Variants in WHRN observed in about 807,000 individuals in gnomAD.
WHRN encodes whirlin.
In WHRN, 41 loss-of-function variants were observed where a neutral mutation model predicts 68.3. That is an observed-to-expected ratio of 0.60 (90% confidence interval 0.47 to 0.78). The LOEUF (loss-of-function observed/expected upper bound fraction) is 0.78, where lower values mean the gene tolerates loss of function less well. WHRN is among the 30% of genes least tolerant of loss of function. WHRN has a pLI of 0.00. For missense variants in WHRN, 1,243 were observed against 1,244.7 expected (o/e 1.00, Z 0.02); for synonymous variants, 560 against 561.3 (o/e 1.00, Z 0.03).
At chr9:114,472,149 C>A (rs1051743449) in intron 2 of WHRN, among the ~76,000 whole-genome samples, 1 of 152,234 alleles carries the variant, frequency 6.6e-6, no homozygotes, top group Non-Finnish European at 1.5e-5. Flanking sequence ...GATGAGGATG[C>A]GTGGGCTCCC....
At chr9:114,486,606 A>G (rs1842489497) in intron 1 of WHRN, among the ~76,000 whole-genome samples, 1 of 152,012 alleles carries the variant, frequency 6.6e-6, no homozygotes, top group Non-Finnish European at 1.5e-5. Flanking sequence ...GCTCTTTCAG[A>G]TCAGTAGTCA....
rs559985816 is a variant in WHRN, at chr9:114,452,849, G to A, written c.963+13418C>T. Among the ~76,000 whole-genome samples, 6 of 152,300 alleles carry A rather than the reference G, an allele frequency of 3.9e-5. No individual in the cohort carries two copies. In the South Asian group the frequency reaches 1.2e-3, roughly 32 times the overall value. On this transcript the variant is annotated intron_variant, in intron 3 of 11. Coordinates refer to ENST00000362057, the MANE Select transcript of WHRN (RefSeq NM_015404.4). ...CATTTCACACATGGGGATGCTGAGG[G>A]CCAGAAGGAAGGAAAGGACTGGCTG...
chr9:114,426,539 G>A, intron 3 of WHRN, 126 bp from the exon 4 acceptor site: 3 of 1,082,128 alleles, frequency 2.8e-6, no homozygotes, highest in Non-Finnish European at 4.2e-6. Flanking sequence ...GGATCAGAGA[G>A]GATGTGAGGA....
At chr9:114,497,604 A>C (rs926288044) in intron 1 of WHRN, among the ~76,000 whole-genome samples, 2 of 152,186 alleles carry the variant, frequency 1.3e-5, no homozygotes, top group African/African-American at 2.4e-5. Flanking sequence ...TGATTGCTTC[A>C]GAATGCATAA....
chr9:114,426,048 G>A (rs1049126252), intron 4 of WHRN, 163 bp downstream of exon 4: 1 of 827,194 alleles, frequency 1.2e-6, no homozygotes, highest in Non-Finnish European at 2.0e-6. Context: ...GGCCAAGAGA[G>A]GAGAGGGATG....
At chr9:114,499,533 T>C (rs1048052138) in intron 1 of WHRN, among the ~76,000 whole-genome samples, 6 of 152,166 alleles carry the variant, frequency 3.9e-5, no homozygotes, top group South Asian at 2.1e-4. Flanking sequence ...TTCCAGGTCA[T>C]AAAAGAACCT....
In WHRN at chr9:114,402,341, T is replaced by C. The variant is rs1834746176; in HGVS notation, c.*413A>G. The C allele has an allele frequency of 3.9e-6, 1 of 259,136 alleles. No individual in the cohort carries two copies. The highest frequency in any genetic ancestry group is 2.2e-5 in the African/African-American group (1 of 45,566). The allele number at this position is 259,136 out of a possible 1,614,324, so 16.1% of individuals were successfully genotyped here. ...ACTAAAGGTCTTGCAAGATGCCCCC[T>C]GACTGGGGGCCGTGTCCATGAATTC... On this transcript the variant is annotated 3_prime_UTR_variant, in exon 12 of 12. Transcript: ENST00000362057.
rs1005700630 is a variant in WHRN, at chr9:114,426,417, C to A, written c.964-4G>T. ...CTTCTAGAATCTGGTCCCCAACCTG[C>A]CAAGATCACCACACAATACAGTCAC... On this transcript the variant is annotated splice_polypyrimidine_tract_variant and splice_region_variant and intron_variant, in intron 3 of 11. Transcript: ENST00000362057. The A allele has an allele frequency of 1.2e-6, 2 of 1,613,160 alleles. No homozygotes were observed. The highest frequency in any genetic ancestry group is 2.7e-5 in the African/African-American group (2 of 74,668).
chr9:114,440,491 G>A (rs1404498016), intron 3 of WHRN, among the ~76,000 whole-genome samples: 2 of 151,972 alleles, frequency 1.3e-5, no homozygotes, highest in Admixed American at 6.6e-5. Flanking sequence ...CGCCCACTTC[G>A]GCCTCCCAAA....
At chr9:114,448,649 G>C (rs1301180208) in intron 3 of WHRN, among the ~76,000 whole-genome samples, 2 of 152,086 alleles carry the variant, frequency 1.3e-5, no homozygotes, top group Non-Finnish European at 2.9e-5. Context: ...GCCCCCCTAA[G>C]CCACCATTCT....
rs1296982411 is a variant in WHRN, at chr9:114,504,993, C to G, written c.-192G>C. On this transcript the variant is annotated 5_prime_UTR_variant, in exon 1 of 12. Coordinates refer to ENST00000362057, the MANE Select transcript of WHRN (RefSeq NM_015404.4). ...GACCGCTGCTAGAGTCCCGGAGGCG[C>G]GAAGACGGCGGGGGTCGCGAACCTG... 2.5e-5 allele frequency: 20 copies of G among 807,804 alleles called. 1 individual carries two copies. In the Admixed American group the frequency reaches 8.8e-4, roughly 35 times the overall value. 50.0% of individuals were successfully genotyped at this position (807,804 alleles called of 1,614,324 possible). A position where few individuals can be genotyped will look rare whatever the true frequency, so the allele number is the denominator to read the frequency against.
At chr9:114,470,007 C>T (rs754239785) in intron 2 of WHRN, among the ~76,000 whole-genome samples, 7 of 152,196 alleles carry the variant, frequency 4.6e-5, no homozygotes, top group African/African-American at 7.2e-5. Context: ...CTGATTACAT[C>T]TTGCAAGGAC....
At position 114,427,402 on chromosome 9, in the gene WHRN, T is replaced by G. The variant is rs146510948; in HGVS notation, c.964-989A>C. On this transcript the variant is annotated intron_variant, in intron 3 of 11. Coordinates refer to ENST00000362057, the MANE Select transcript of WHRN (RefSeq NM_015404.4). Reference sequence around the variant, plus strand: ...GTATGATGGGACCGCACCTTTAAACTCGGGGTTCCTTTCACAAATGGGTCA... The same window carrying G: ...GTATGATGGGACCGCACCTTTAAACGCGGGGTTCCTTTCACAAATGGGTCA... Among the ~76,000 whole-genome samples, 541 of 152,292 alleles carry G rather than the reference T, an allele frequency of 3.6e-3. 3 individuals carry two copies. The highest frequency in any genetic ancestry group is 0.012 in the African/African-American group (519 of 41,554).
intron 3 of WHRN, among the ~76,000 whole-genome samples, chr9:114,465,176 C>G (rs1019424888): frequency 6.6e-6 from 1 of 152,236 alleles, no homozygotes; most frequent in Admixed American, 6.5e-5. Flanking sequence ...GAGAACCTGA[C>G]AGACGTATCG....
intron 3 of WHRN, among the ~76,000 whole-genome samples, chr9:114,438,645 G>A (rs530326305): frequency 4.0e-5 from 6 of 151,740 alleles, no homozygotes; most frequent in Non-Finnish European, 7.4e-5. Context: ...GTAGAGATGG[G>A]GTTTCACCTG....
Position 114,478,736 on chromosome 9 carries a change from C to T in WHRN, c.654G>A (p.Val218=). Residue 218 remains valine, a synonymous_variant, in exon 2 of 12, where the codon GTG becomes GTA. Transcript: ENST00000362057. ...CCCCAGGGATGCGCCCTGCTGAGTA[C>T]ACAGACAGCACCAGCTTCTTGGAGC... ...LKGSKKLVLS[V]YSAGRIPGGY... The T allele has an allele frequency of 1.9e-6, 3 of 1,612,644 alleles. No homozygotes were observed. Among genetic ancestry groups the T allele is most frequent in the African/African-American group, 1.3e-5 (1 of 75,056 alleles).
At position 114,454,559 on chromosome 9, in the gene WHRN, C is replaced by CA. The variant is rs200716816; in HGVS notation, c.963+11707dup. Among the ~76,000 whole-genome samples, 710 of 150,538 alleles carry CA rather than the reference C, an allele frequency of 4.7e-3. 6 individuals carry two copies. Among genetic ancestry groups the CA allele is most frequent in the African/African-American group, 0.015 (630 of 41,050 alleles). Reference sequence around the variant, plus strand: ...TTTCTTCAGGCTGACAATTACAGAACAAAAAAAAACCTAAATAAATGGAGA... The same window carrying CA: ...TTTCTTCAGGCTGACAATTACAGAACAAAAAAAAAACCTAAATAAATGGAGA... On this transcript the variant is annotated intron_variant, in intron 3 of 11. Coordinates refer to ENST00000362057, the MANE Select transcript of WHRN (RefSeq NM_015404.4).
intron 6 of WHRN, 98 bp from the exon 7 acceptor site, chr9:114,423,621 C>T (rs755421279): frequency 8.4e-6 from 10 of 1,187,746 alleles, no homozygotes; most frequent in Non-Finnish European, 1.2e-5. Flanking sequence ...CAAACTTGAC[C>T]CTGCCTCCCC....
At chr9:114,408,549 C>A (rs551794191) in intron 7 of WHRN, among the ~76,000 whole-genome samples, 1 of 152,330 alleles carries the variant, frequency 6.6e-6, no homozygotes, top group East Asian at 1.9e-4. Context: ...CAAGAAGAAA[C>A]CCAATGCCTC....
Sources: gnomAD v4.1 joint callset for allele counts (sites outside exome capture counted in the v4.1 genomes callset) on GRCh38, gnomAD v4.1.1 for gene constraint, MANE v1.5 for transcripts, NCBI Gene and HGNC (gene_info 2026-07-23, HGNC 2026-07-21) for gene names.